DNAAF11: variants seen among roughly 807,000 people sequenced by gnomAD.
DNAAF11 encodes the protein dynein axonemal assembly factor 11, also known as leucine rich repeat containing 6.
A neutral mutation model predicts 60.8 loss-of-function variants in DNAAF11; 45 were observed. The observed-to-expected ratio is 0.74, with a 90% CI of 0.58 to 0.95. The LOEUF is 0.95. Among genes scored for constraint, DNAAF11 ranks in the 40% least tolerant of loss-of-function variants. DNAAF11 has a pLI of 0.00. For synonymous variants in DNAAF11, 191 were observed against 183.5 expected (o/e 1.04, Z -0.33); for missense variants, 546 against 546.2 (o/e 1.00, Z 0.00).
chr8:132,658,525 G>A (rs1008561813), intron 2 of DNAAF11, among the ~76,000 whole-genome samples: 1 of 152,116 alleles, frequency 6.6e-6, no homozygotes, highest in Non-Finnish European at 1.5e-5. Flanking sequence ...GTTTCACTGT[G>A]TTAGCCAGGA....
At chr8:132,689,843 G>T in the DNAAF11 span, among the ~76,000 whole-genome samples, 2 of 152,038 alleles carry the variant, frequency 1.3e-5, no homozygotes, top group Non-Finnish European at 2.9e-5. Flanking sequence ...CTCCCAAGTA[G>T]CTGGGACTAT....
the DNAAF11 span, among the ~76,000 whole-genome samples, chr8:132,691,132 C>T: frequency 6.6e-6 from 1 of 152,088 alleles, no homozygotes; most frequent in East Asian, 1.9e-4. Context: ...AACTTCTTCT[C>T]CATAGGAGAA....
At chr8:132,675,382 A>C (rs564086146) in intron 1 of DNAAF11, 102 bp downstream of exon 1, 7 of 1,327,154 alleles carry the variant, frequency 5.3e-6, no homozygotes, top group Admixed American at 2.3e-5. Context: ...GGCGCGGGGG[A>C]ACCGACAGCG....
chr8:132,681,290 G>A, the DNAAF11 span, among the ~76,000 whole-genome samples: 4 of 149,050 alleles, frequency 2.7e-5, no homozygotes, highest in Admixed American at 1.3e-4. Context: ...GATTACAGGC[G>A]TGAGCCACCA....
At chr8:132,696,968 T>C in the DNAAF11 span, among the ~76,000 whole-genome samples, 3 of 151,932 alleles carry the variant, frequency 2.0e-5, no homozygotes, top group African/African-American at 7.3e-5. Context: ...CACAAAATAA[T>C]CTGTACAACA....
intron 3 of DNAAF11, 148 bp downstream of exon 3, chr8:132,656,682 G>T (rs1368927799): frequency 4.2e-6 from 2 of 472,844 alleles, no homozygotes; most frequent in Non-Finnish European, 3.9e-6. Context: ...ATATTGGTCA[G>T]GCTGGTCTCG....
chr8:132,638,156 C>T (rs1037326254), intron 3 of DNAAF11, 49 bp from the exon 4 acceptor site: 5 of 1,470,776 alleles, frequency 3.4e-6, no homozygotes, highest in Non-Finnish European at 3.8e-6. Flanking sequence ...AAAAATCACA[C>T]TGGTAACAAA....
At chr8:132,680,334 C>T (rs781707461), upstream of DNAAF11, among the ~76,000 whole-genome samples, 2 of 151,980 alleles carry the variant, frequency 1.3e-5, no homozygotes, top group Non-Finnish European at 2.9e-5. Context: ...ACAGGTGTGA[C>T]ATTTTGTGTA....
At chr8:132,649,146 C>T (rs1822731677) in intron 3 of DNAAF11, among the ~76,000 whole-genome samples, 1 of 152,196 alleles carries the variant, frequency 6.6e-6, no homozygotes, top group South Asian at 2.1e-4. Flanking sequence ...ACCAAAACAG[C>T]ATGGTACTGG....
intron 1 of DNAAF11, among the ~76,000 whole-genome samples, chr8:132,675,115 C>A (rs1016099128): frequency 2.6e-5 from 4 of 152,136 alleles, no homozygotes; most frequent in Non-Finnish European, 4.4e-5. Context: ...GAGACAGTGA[C>A]TGGCCCACGT....
intron 11 of DNAAF11, among the ~76,000 whole-genome samples, chr8:132,575,823 G>T (rs1814687063): frequency 6.6e-6 from 1 of 152,198 alleles, no homozygotes; most frequent in African/African-American, 2.4e-5. Flanking sequence ...GGGGATGGGG[G>T]AAGGAGCGGG....
At chr8:132,613,543 C>G (rs1206315491) in intron 8 of DNAAF11, among the ~76,000 whole-genome samples, 1 of 152,148 alleles carries the variant, frequency 6.6e-6, no homozygotes, top group Non-Finnish European at 1.5e-5. Flanking sequence ...GCAGTGACTG[C>G]TTAAGGACCA....
chr8:132,668,313 G>A (rs1371463707), intron 1 of DNAAF11, among the ~76,000 whole-genome samples: 1 of 152,226 alleles, frequency 6.6e-6, no homozygotes, highest in Non-Finnish European at 1.5e-5. Context: ...ACTGGAGTGT[G>A]CTACTGAAAA....
At chr8:132,627,688 G>A (rs369504722) in intron 5 of DNAAF11, among the ~76,000 whole-genome samples, 80 of 152,232 alleles carry the variant, frequency 5.3e-4, no homozygotes, top group South Asian at 1.0e-3. Context: ...ACACCCTCTC[G>A]TTCTACTTTT....
chr8:132,635,591 A>AT (rs2130502188), intron 4 of DNAAF11, among the ~76,000 whole-genome samples: 1 of 152,278 alleles, frequency 6.6e-6, no homozygotes, highest in South Asian at 2.1e-4. Context: ...ACTATCTAAA[A>AT]TAACTACTCT....
chr8:132,687,835 A>G, the DNAAF11 span, among the ~76,000 whole-genome samples: 4 of 152,296 alleles, frequency 2.6e-5, no homozygotes, highest in African/African-American at 9.6e-5. Context: ...CACAGAGCCC[A>G]TTACACAGCA....
chr8:132,689,717 G>GTA, the DNAAF11 span, among the ~76,000 whole-genome samples: 1 of 148,794 alleles, frequency 6.7e-6, no homozygotes, highest in Non-Finnish European at 1.5e-5. Flanking sequence ...GTGTGTGTGT[G>GTA]TATGTGTATA....
At chr8:132,665,486 T>A (rs1458018579) in intron 1 of DNAAF11, among the ~76,000 whole-genome samples, 3 of 146,234 alleles carry the variant, frequency 2.1e-5, no homozygotes, top group Non-Finnish European at 3.0e-5. Context: ...CAGCAAACTT[T>A]AAAAAAAAAA....
intron 5 of DNAAF11, among the ~76,000 whole-genome samples, chr8:132,631,665 T>C (rs922310647): frequency 6.6e-6 from 1 of 151,986 alleles, no homozygotes; most frequent in Non-Finnish European, 1.5e-5. Context: ...AAGAGAGGCA[T>C]GGGATGAAGG....
Sources: allele counts gnomAD v4.1 joint callset (sites outside exome capture counted in the v4.1 genomes callset), GRCh38; gene constraint gnomAD v4.1.1; transcripts MANE v1.5; gene names NCBI Gene and HGNC (gene_info 2026-07-23, HGNC 2026-07-21).